Variants in CCNYL1 observed in about 807,000 individuals in gnomAD.
CCNYL1 encodes cyclin Y like 1.
A neutral mutation model predicts 44.2 loss-of-function variants in CCNYL1; 16 were observed. That is an observed-to-expected ratio of 0.36 (90% CI 0.25 to 0.55). The LOEUF is 0.55. Ranked by LOEUF, CCNYL1 falls within the 20% of genes least tolerant of loss-of-function variation. The pLI, the probability that CCNYL1 is intolerant of heterozygous loss-of-function variation, is 0.85. For synonymous variants in CCNYL1, 159 were observed against 163.2 expected (o/e 0.97, Z 0.20); for missense variants, 348 against 451.8 (o/e 0.77, Z 2.08).
intron 1 of CCNYL1, among the ~76,000 whole-genome samples, chr2:207,718,868 G>A (rs557404895): frequency 6.6e-6 from 1 of 152,134 alleles, no homozygotes; most frequent in South Asian, 2.1e-4. Flanking sequence ...ATGTGCATAA[G>A]GTTTTGTTGC....
chr2:207,750,973 C>A lies in CCNYL1; in HGVS notation c.823C>A (p.His275Asn). ...TVEDMNEMER[H>N]FLELLQFNIN... ...CTCCTCCAGGAATGAAATGGAAAGG[C>A]ATTTTCTGGAGCTTCTTCAGTTTAA... The change falls in exon 9 of 10, where the codon CAT becomes AAT. Residue 275 changes from histidine to asparagine, a missense_variant. His to Asn is a moderately conservative substitution (Grantham distance 68). This residue lies in a region of CCNYL1 where 94 missense variants were observed against 102.4 expected (regional missense o/e 0.92). Transcript: ENST00000295414. The A allele has an allele frequency of 6.2e-7, 1 of 1,613,618 alleles. No individual in the cohort carries two copies. Among genetic ancestry groups the A allele is most frequent in the Non-Finnish European group, 8.5e-7 (1 of 1,179,780 alleles).
Position 207,743,912 on chromosome 2 carries a change from C to G in CCNYL1, c.639+1570C>G, listed in dbSNP as rs138441824. On this transcript the variant is annotated intron_variant, in intron 7 of 9. Coordinates refer to ENST00000295414, the MANE Select transcript of CCNYL1 (RefSeq NM_001330218.2). The stretch of plus-strand genomic sequence containing the variant: ...GGTCTCAGAACTGACCTCAGGTGAT[C>G]CTGCCAGAGTGTTGGGATTACAGAC... 4.4e-3 allele frequency among the ~76,000 whole-genome samples: 673 copies of G among 152,202 alleles called. 2 individuals carry two copies. The highest frequency in any genetic ancestry group is 0.015 in the African/African-American group (619 of 41,540).
intron 1 of CCNYL1, chr2:207,714,191 A>G: frequency 2.9e-6 from 1 of 349,378 alleles, no homozygotes; most frequent in Non-Finnish European, 5.5e-6. Flanking sequence ...AAACTTTTAA[A>G]AATCCAGAAT....
In CCNYL1 at chr2:207,749,529, C is replaced by G. The variant is rs529672197; in HGVS notation, c.807-1428C>G. ...ACAAAAAACCTAGAAGATGCATATT[C>G]TGTAAGCATAATGCTTTTCTTCAGT... On this transcript the variant is annotated intron_variant, in intron 8 of 9. Transcript: ENST00000295414. Among the ~76,000 whole-genome samples the G allele has an allele frequency of 2.6e-5, 4 of 152,278 alleles. No homozygotes were observed. The East Asian group carries it at 5.8e-4, about 22-fold the overall frequency.
rs562921163 is a variant in CCNYL1 at position 207,726,726 on chromosome 2, T to C, written c.296-116T>C. On this transcript the variant is annotated intron_variant, in intron 2 of 9. Coordinates refer to ENST00000295414, the MANE Select transcript of CCNYL1 (RefSeq NM_001330218.2). Reference sequence around the variant, plus strand: ...TTAAATGATGAATTTTGTTGGAAATTATTTTTTAAATGGAATTTTATCTCA... The same window carrying C: ...TTAAATGATGAATTTTGTTGGAAATCATTTTTTAAATGGAATTTTATCTCA... 1.4e-5 allele frequency: 9 copies of C among 655,764 alleles called. No homozygotes were observed. In the South Asian group the frequency reaches 2.0e-4, roughly 14 times the overall value. The allele number at this position is 655,764 out of a possible 1,614,324, so 40.6% of individuals were successfully genotyped here. A position where few individuals can be genotyped will look rare whatever the true frequency, so the allele number is the denominator to read the frequency against.
At chr2:207,714,315 T>A (rs1302929575) in intron 1 of CCNYL1, 1 of 172,042 alleles carries the variant, frequency 5.8e-6, no homozygotes, top group Non-Finnish European at 1.0e-5. Context: ...TACATCTCTT[T>A]TTTTTTTTTT....
chr2:207,741,873 G>A (rs116771831), intron 6 of CCNYL1, among the ~76,000 whole-genome samples: 19,300 of 148,984 alleles, frequency 0.13, 2,159 homozygotes, highest in East Asian at 0.39. Flanking sequence ...TACTTAGGCC[G>A]GGCGTGGTGT....
intron 8 of CCNYL1, among the ~76,000 whole-genome samples, chr2:207,749,504 A>C (rs747357847): frequency 1.3e-5 from 2 of 152,234 alleles, no homozygotes; most frequent in Non-Finnish European, 2.9e-5. Context: ...TTAAAAAAAA[A>C]CAAAAAACCT....
intron 1 of CCNYL1, among the ~76,000 whole-genome samples, chr2:207,717,239 T>C (rs1387115566): frequency 6.6e-6 from 1 of 152,194 alleles, no homozygotes; most frequent in Non-Finnish European, 1.5e-5. Flanking sequence ...TCTGAATAGC[T>C]ACCACTTTAA....
chr2:207,747,312 G>T (rs2091861222), intron 8 of CCNYL1, 99 bp downstream of exon 8: 1 of 1,029,170 alleles, frequency 9.7e-7, no homozygotes, highest in African/African-American at 1.6e-5. Context: ...GTTACATTAT[G>T]CAGATAATGG....
At chr2:207,738,843 C>T (rs1026479160) in intron 5 of CCNYL1, among the ~76,000 whole-genome samples, 2 of 152,074 alleles carry the variant, frequency 1.3e-5, no homozygotes, top group Non-Finnish European at 2.9e-5. Context: ...TCTCAACCTC[C>T]CAAGTAGCTG....
chr2:207,712,221 T>C, intron 1 of CCNYL1, 105 bp downstream of exon 1: 1 of 932,982 alleles, frequency 1.1e-6, no homozygotes, highest in Non-Finnish European at 1.6e-6. Flanking sequence ...TTCCTGCCGG[T>C]AGCCGGCCCC....
intron 1 of CCNYL1, among the ~76,000 whole-genome samples, chr2:207,715,253 G>A (rs1376746493): frequency 1.4e-5 from 2 of 143,236 alleles, no homozygotes; most frequent in African/African-American, 5.2e-5. Context: ...GGACAGTGGA[G>A]CAAGACTCTG....
chr2:207,744,530 ATT>A (rs57198526), intron 7 of CCNYL1, among the ~76,000 whole-genome samples: 11 of 137,332 alleles, frequency 8.0e-5, no homozygotes, highest in Non-Finnish European at 9.5e-5. Context: ...ACCACGCCTA[ATT>A]TTTTTTTTTT....
chr2:207,752,955 C>A (rs762435582), intron 9 of CCNYL1, among the ~76,000 whole-genome samples: 1 of 151,714 alleles, frequency 6.6e-6, no homozygotes, highest in Non-Finnish European at 1.5e-5. Context: ...AGGAGAATCG[C>A]TTGAACCTGG....
chr2:207,738,085 C>T (rs1282559593), intron 5 of CCNYL1, among the ~76,000 whole-genome samples: 1 of 152,022 alleles, frequency 6.6e-6, no homozygotes, highest in Non-Finnish European at 1.5e-5. Context: ...GCTAATAGTG[C>T]ACCCTGGTAG....
At chr2:207,722,566 C>G (rs1367403898) in intron 1 of CCNYL1, among the ~76,000 whole-genome samples, 2 of 152,064 alleles carry the variant, frequency 1.3e-5, no homozygotes, top group Non-Finnish European at 2.9e-5. Context: ...GGTACTGATT[C>G]ATAATATGGC....
chr2:207,742,836 T>A (rs1002410971), intron 7 of CCNYL1, among the ~76,000 whole-genome samples: 1 of 152,226 alleles, frequency 6.6e-6, no homozygotes, highest in African/African-American at 2.4e-5. Flanking sequence ...CTACCTCTTG[T>A]GCCTGCTCGT....
chr2:207,726,494 G>T (rs1476776734), intron 2 of CCNYL1, among the ~76,000 whole-genome samples: 1 of 152,174 alleles, frequency 6.6e-6, no homozygotes, highest in African/African-American at 2.4e-5. Context: ...ACCTGTAAAT[G>T]TAGAATTAAA....
Sources: gnomAD v4.1 joint callset for allele counts (sites outside exome capture counted in the v4.1 genomes callset) on GRCh38, gnomAD v4.1.1 for gene constraint, gnomAD v4.1.1 regional missense constraint, MANE v1.5 for transcripts, NCBI Gene and HGNC (gene_info 2026-07-23, HGNC 2026-07-21) for gene names.